WDR27: variants seen among roughly 807,000 people sequenced by gnomAD.
The protein encoded by WDR27 is WD repeat-containing protein 27.
Under a neutral mutation model 114.4 loss-of-function variants are expected in WDR27, and 100 were observed. The ratio of observed to expected loss-of-function variants is 0.87; its 90% CI spans 0.74 to 1.03. The LOEUF (loss-of-function observed/expected upper bound fraction) is 1.03, where lower values mean the gene tolerates loss of function less well. Among genes scored for constraint, WDR27 ranks in the 50% least tolerant of loss-of-function variants. The probability of loss-of-function intolerance (pLI) is 0.00; values close to 1 mark genes in which losing one functional copy is unlikely to be tolerated. For missense variants in WDR27, 1,129 were observed against 1,092.9 expected (o/e 1.03, Z -0.47); for synonymous variants, 449 against 423.1 (o/e 1.06, Z -0.75).
intron 25 of WDR27, among the ~76,000 whole-genome samples, chr6:169,465,755 T>C (rs1785499565): frequency 6.6e-6 from 1 of 152,256 alleles, no homozygotes; most frequent in East Asian, 1.9e-4. Context: ...TAAATGAACC[T>C]TGAGGACATT....
intron 14 of WDR27, 78 bp from the exon 15 acceptor site, chr6:169,649,353 A>G (rs1462973707): frequency 1.6e-6 from 2 of 1,250,348 alleles, no homozygotes; most frequent in African/African-American, 1.5e-5. Flanking sequence ...TTTTACAGTG[A>G]AAAAAATTAT....
At chr6:169,692,194 A>C (rs1784683902) in intron 1 of WDR27, among the ~76,000 whole-genome samples, 1 of 152,382 alleles carries the variant, frequency 6.6e-6, no homozygotes, top group Non-Finnish European at 1.5e-5. Context: ...CAGTGAGAAG[A>C]GCCTTGTAGG....
intron 25 of WDR27, among the ~76,000 whole-genome samples, chr6:169,484,076 T>C (rs566567911): frequency 1.3e-5 from 2 of 152,268 alleles, no homozygotes; most frequent in Admixed American, 6.5e-5. Context: ...TTGTACTGAA[T>C]TGACAAAAGC....
At chr6:169,698,811 G>A (rs1478866034) in intron 1 of WDR27, among the ~76,000 whole-genome samples, 2 of 152,242 alleles carry the variant, frequency 1.3e-5, no homozygotes, top group Admixed American at 6.5e-5. Flanking sequence ...GCACCTGGCA[G>A]CCTGTGCTGC....
intron 21 of WDR27, among the ~76,000 whole-genome samples, chr6:169,627,456 G>C (rs1209353966): frequency 6.6e-6 from 1 of 152,088 alleles, no homozygotes; most frequent in East Asian, 1.9e-4. Context: ...CTCAATTATT[G>C]AAATAAAAGA....
chr6:169,579,671 C>T lies in WDR27; in HGVS notation c.2523+3165G>A, dbSNP rs575030198. 2.1e-4 allele frequency among the ~76,000 whole-genome samples: 32 copies of T among 152,274 alleles called. 2 individuals are homozygous for T. The highest frequency in any genetic ancestry group is 1.0e-3 in the Admixed American group (16 of 15,298). ...ACCCAGAAGTGACCTTATGTGGTTC[C>T]GGAACTCCCACCCCTTTTCCAGAAA... On this transcript the variant is annotated intron_variant, in intron 24 of 25. Coordinates refer to ENST00000448612, the MANE Select transcript of WDR27 (RefSeq NM_182552.5).
chr6:169,689,084 C>T (rs2128299590), intron 1 of WDR27, 72 bp from the exon 2 acceptor site: 1 of 1,016,982 alleles, frequency 9.8e-7, no homozygotes. Flanking sequence ...CTATTACCTA[C>T]TGATAGTTAC....
At chr6:169,459,233 G>A (rs1490729852) in intron 25 of WDR27, among the ~76,000 whole-genome samples, 1 of 151,918 alleles carries the variant, frequency 6.6e-6, no homozygotes, top group Non-Finnish European at 1.5e-5. Flanking sequence ...AATTATGTAT[G>A]AACAAAATGG....
chr6:169,673,378 A>C (rs945657227), intron 2 of WDR27, among the ~76,000 whole-genome samples: 2 of 152,062 alleles, frequency 1.3e-5, no homozygotes, highest in African/African-American at 4.8e-5. Flanking sequence ...ACTGATGAGA[A>C]TTACAAGAAA....
At chr6:169,636,261 T>C in intron 19 of WDR27, 110 bp downstream of exon 19, 1 of 1,281,516 alleles carries the variant, frequency 7.8e-7, no homozygotes. Flanking sequence ...TGATATGAGG[T>C]CATTATTAAA....
At chr6:169,603,173 A>G (rs1339727310) in intron 22 of WDR27, among the ~76,000 whole-genome samples, 3 of 137,684 alleles carry the variant, frequency 2.2e-5, no homozygotes, top group Non-Finnish European at 4.7e-5. Context: ...TTTTTGAGAC[A>G]GAGTCTCGCT....
chr6:169,451,664 G>A, the WDR27 span, among the ~76,000 whole-genome samples: 1 of 152,160 alleles, frequency 6.6e-6, no homozygotes, highest in Admixed American at 6.5e-5. Flanking sequence ...AGTTTCCACT[G>A]AACCACATCC....
intron 25 of WDR27, among the ~76,000 whole-genome samples, chr6:169,480,796 C>T (rs1298367590): frequency 6.6e-6 from 1 of 151,650 alleles, no homozygotes. Context: ...ATTGTAAATG[C>T]ACCAATCAGC....
chr6:169,652,668 G>A (rs1822922544), intron 13 of WDR27, among the ~76,000 whole-genome samples: 1 of 152,202 alleles, frequency 6.6e-6, no homozygotes, highest in African/African-American at 2.4e-5. Context: ...TAGCATTACT[G>A]TAAATGAAAC....
intron 23 of WDR27, among the ~76,000 whole-genome samples, chr6:169,598,891 G>A (rs2494677): frequency 0.89 from 136,176 of 152,284 alleles, 61,453 homozygotes; most frequent in East Asian, 0.99. Context: ...TACTGCCAGC[G>A]CTCATTTAAC....
At position 169,467,522 on chromosome 6, in the gene WDR27, T is replaced by C. The variant is rs149118031; in HGVS notation, c.2646-9888A>G. ...CTGTGCATCTGCAGGCCCAACACCA[T>C]GTGTAAGCTGCCAAGGCTTGGGGTT... On this transcript the variant is annotated intron_variant, in intron 25 of 25. Coordinates refer to ENST00000448612, the MANE Select transcript of WDR27 (RefSeq NM_182552.5). Among the ~76,000 whole-genome samples, 8 of 152,334 alleles carry C rather than the reference T, an allele frequency of 5.3e-5. No homozygotes were observed. The East Asian group carries it at 1.5e-3, about 29-fold the overall frequency.
chr6:169,454,689 A>G (rs1003467185), downstream of WDR27, among the ~76,000 whole-genome samples: 2 of 152,240 alleles, frequency 1.3e-5, no homozygotes, highest in South Asian at 4.1e-4. Flanking sequence ...TCTAAAGAAC[A>G]TGGACTTGCC....
chr6:169,624,133 G>GTCAGGTGTGCGGCC (rs141516973), intron 21 of WDR27, among the ~76,000 whole-genome samples: 1 of 150,768 alleles, frequency 6.6e-6, no homozygotes, highest in African/African-American at 2.5e-5. Flanking sequence ...GGTGTGTGGT[G>GTCAGGTGTGCGGCC]TCAGGTGTGC....
At chr6:169,458,006 AGGT>A (rs1215265077) in intron 25 of WDR27, among the ~76,000 whole-genome samples, 8 of 139,872 alleles carry the variant, frequency 5.7e-5, no homozygotes, top group South Asian at 2.4e-4. Flanking sequence ...GAGGAGGAGG[AGGT>A]GGTGGTGGTG....
Sources: allele counts gnomAD v4.1 joint callset (sites outside exome capture counted in the v4.1 genomes callset), GRCh38; gene constraint gnomAD v4.1.1; transcripts MANE v1.5; gene names NCBI Gene and HGNC (gene_info 2026-07-23, HGNC 2026-07-21).